The following UBE2G1 variants were observed in gnomAD, a reference collection of about 807,000 sequenced individuals.
UBE2G1 encodes the protein ubiquitin conjugating enzyme E2 G1, also known as ubiquitin-conjugating enzyme E2 G1.
UBE2G1 carries 5 observed loss-of-function variants against 22.7 expected under a neutral mutation model. The ratio of observed to expected loss-of-function variants is 0.22; its 90% CI spans 0.12 to 0.46. UBE2G1 has a LOEUF of 0.46. Ranked by LOEUF, UBE2G1 falls within the 20% of genes least tolerant of loss-of-function variation. The pLI, the probability that UBE2G1 is intolerant of heterozygous loss-of-function variation, is 0.99. For synonymous variants in UBE2G1, 74 were observed against 67.5 expected (o/e 1.10, Z -0.47); for missense variants, 88 against 203.9 (o/e 0.43, Z 3.46).
At chr17:4,334,549 T>C (rs934528812) in intron 1 of UBE2G1, among the ~76,000 whole-genome samples, 12 of 152,150 alleles carry the variant, frequency 7.9e-5, no homozygotes, top group African/African-American at 2.9e-4. Flanking sequence ...ACCTGTTTGT[T>C]TGTTTGTTTT....
intron 5 of UBE2G1, among the ~76,000 whole-genome samples, chr17:4,272,734 C>A (rs920039852): frequency 6.6e-6 from 1 of 152,056 alleles, no homozygotes; most frequent in African/African-American, 2.4e-5. Context: ...CAATTTAGTT[C>A]CTGAGTCATG....
intron 2 of UBE2G1, among the ~76,000 whole-genome samples, chr17:4,298,623 T>C (rs1235709733): frequency 6.6e-6 from 1 of 152,100 alleles, no homozygotes; most frequent in African/African-American, 2.4e-5. Flanking sequence ...GAGTATAAAG[T>C]CAGTGACCTT....
At chr17:4,332,688 G>T (rs918534511) in intron 1 of UBE2G1, among the ~76,000 whole-genome samples, 1 of 151,940 alleles carries the variant, frequency 6.6e-6, no homozygotes, top group Non-Finnish European at 1.5e-5. Context: ...GCGTTCAGGG[G>T]CTTTAACCAG....
chr17:4,361,160 T>C (rs534688182), intron 1 of UBE2G1, among the ~76,000 whole-genome samples: 4 of 151,694 alleles, frequency 2.6e-5, no homozygotes, highest in East Asian at 1.9e-4. Flanking sequence ...GAGGCGGAGG[T>C]TGCAGTGAAC....
intron 1 of UBE2G1, among the ~76,000 whole-genome samples, chr17:4,324,020 G>T (rs1271918098): frequency 6.6e-6 from 1 of 152,130 alleles, no homozygotes; most frequent in East Asian, 1.9e-4. Context: ...TGATGCCCAA[G>T]CATCACCCCA....
chr17:4,308,229 T>C (rs1443345001), intron 1 of UBE2G1, among the ~76,000 whole-genome samples: 1 of 152,208 alleles, frequency 6.6e-6, no homozygotes, highest in East Asian at 1.9e-4. Context: ...GGCACATGCC[T>C]GTAATCCCAG....
chr17:4,313,828 T>A (rs1969338353), intron 1 of UBE2G1, among the ~76,000 whole-genome samples: 1 of 152,168 alleles, frequency 6.6e-6, no homozygotes, highest in Non-Finnish European at 1.5e-5. Flanking sequence ...TATGCTTGCA[T>A]GCTATGAATC....
intron 3 of UBE2G1, among the ~76,000 whole-genome samples, chr17:4,291,187 C>T (rs776111847): frequency 6.6e-6 from 1 of 151,986 alleles, no homozygotes; most frequent in Non-Finnish European, 1.5e-5. Flanking sequence ...ATGGAGAAAT[C>T]CCATCTCTAC....
At chr17:4,303,653 C>T (rs1049978159) in intron 2 of UBE2G1, among the ~76,000 whole-genome samples, 3 of 152,192 alleles carry the variant, frequency 2.0e-5, no homozygotes, top group Admixed American at 1.3e-4. Flanking sequence ...TAGGTTCATT[C>T]CCTCCAGAAC....
chr17:4,322,872 G>A (rs754127895), intron 1 of UBE2G1, among the ~76,000 whole-genome samples: 27 of 152,162 alleles, frequency 1.8e-4, no homozygotes, highest in Admixed American at 3.9e-4. Flanking sequence ...TGGAACCACC[G>A]AGCACTGTGG....
chr17:4,341,436 A>G (rs934683019), intron 1 of UBE2G1, among the ~76,000 whole-genome samples: 1 of 152,144 alleles, frequency 6.6e-6, no homozygotes, highest in Non-Finnish European at 1.5e-5. Context: ...GCCAGTAATT[A>G]GATCTGATCT....
At chr17:4,353,862 G>C (rs1489920580) in intron 1 of UBE2G1, among the ~76,000 whole-genome samples, 5 of 132,836 alleles carry the variant, frequency 3.8e-5, no homozygotes, top group African/African-American at 6.0e-5. Flanking sequence ...CAGTCACCCA[G>C]GCTGGAATGC....
intron 1 of UBE2G1, among the ~76,000 whole-genome samples, chr17:4,309,749 T>A (rs1362035987): frequency 1.3e-5 from 2 of 152,224 alleles, no homozygotes; most frequent in East Asian, 3.8e-4. Flanking sequence ...GATTCTATAA[T>A]ATATCCAGAA....
At position 4,298,182 on chromosome 17, in the gene UBE2G1, G is replaced by A. The variant is rs150066310; in HGVS notation, c.150-1368C>T. On this transcript the variant is annotated intron_variant, in intron 2 of 5. Coordinates refer to ENST00000396981, the MANE Select transcript of UBE2G1 (RefSeq NM_003342.5). ...GTCTTTAAAGAAAAAGTGGGAGGCC[G>A]GACACAGTGGCTCATGCCTGTAATT... Among the ~76,000 whole-genome samples, 313 of 152,252 alleles carry A rather than the reference G, an allele frequency of 2.1e-3. 1 individual carries two copies. Among genetic ancestry groups the A allele is most frequent in the African/African-American group, 7.2e-3 (299 of 41,538 alleles).
intron 2 of UBE2G1, among the ~76,000 whole-genome samples, chr17:4,306,142 C>T (rs759259440): frequency 2.0e-5 from 3 of 152,180 alleles, no homozygotes; most frequent in Non-Finnish European, 2.9e-5. Context: ...TAGATTCTAA[C>T]CAGTATTCGG....
intron 4 of UBE2G1, among the ~76,000 whole-genome samples, chr17:4,284,645 T>C (rs4322703): frequency 0.32 from 48,683 of 151,224 alleles, 7,946 homozygotes; most frequent in Middle Eastern, 0.39. Context: ...AGTGTGGGTA[T>C]TGGTGCCAAA....
intron 3 of UBE2G1, 33 bp downstream of exon 3, chr17:4,296,684 T>C (rs1969117145): frequency 1.3e-6 from 2 of 1,588,772 alleles, no homozygotes; most frequent in Non-Finnish European, 8.6e-7. Flanking sequence ...CCATCAAATC[T>C]GCAAATGTAA....
chr17:4,318,077 G>C (rs1488411929), intron 1 of UBE2G1, among the ~76,000 whole-genome samples: 2 of 152,078 alleles, frequency 1.3e-5, no homozygotes, highest in Admixed American at 6.5e-5. Flanking sequence ...TCTATTTTTT[G>C]AGTCTCATTT....
At chr17:4,306,864 C>G (rs1969254293) in intron 2 of UBE2G1, among the ~76,000 whole-genome samples, 157 bp downstream of exon 2, 1 of 152,116 alleles carries the variant, frequency 6.6e-6, no homozygotes. Context: ...ATTGGCCAGG[C>G]TGGTCTCGAA....
Sources: gnomAD v4.1 joint callset for allele counts (sites outside exome capture counted in the v4.1 genomes callset) on GRCh38, gnomAD v4.1.1 for gene constraint, MANE v1.5 for transcripts, NCBI Gene and HGNC (gene_info 2026-07-23, HGNC 2026-07-21) for gene names.